CAST: variants seen among roughly 807,000 people sequenced by gnomAD.
The protein encoded by CAST is calpastatin, also known as MIR583 host.
A neutral mutation model predicts 119.6 loss-of-function variants in CAST; 76 were observed. The observed-to-expected ratio is 0.64, with a 90% CI of 0.53 to 0.77. The LOEUF (loss-of-function observed/expected upper bound fraction) is 0.77, where lower values mean the gene tolerates loss of function less well. CAST is among the 30% of genes least tolerant of loss of function. The pLI is 0.00. For synonymous variants in CAST, 319 were observed against 331.6 expected, an observed-to-expected ratio of 0.96 and a Z score of 0.41; for missense variants, 953 against 946.5, an observed-to-expected ratio of 1.01 and a Z score of -0.09.
the CAST span, chr5:96,429,281 T>C: frequency 6.3e-7 from 1 of 1,597,418 alleles, no homozygotes; most frequent in East Asian, 2.2e-5. Flanking sequence ...GGGTGGTTTT[T>C]ATGTTTGAAT....
At chr5:96,059,569 A>C in the CAST span, among the ~76,000 whole-genome samples, 1 of 152,086 alleles carries the variant, frequency 6.6e-6, no homozygotes, top group Non-Finnish European at 1.5e-5. Flanking sequence ...TTGATACCTT[A>C]AGACCTGTGG....
At chr5:96,635,504 C>T (rs892980271) in intron 1 of CAST, among the ~76,000 whole-genome samples, 4 of 152,144 alleles carry the variant, frequency 2.6e-5, no homozygotes, top group Non-Finnish European at 5.9e-5. Context: ...AAGAGATAAG[C>T]CATCCAATAC....
At chr5:95,963,877 A>G in the CAST span, among the ~76,000 whole-genome samples, 3 of 152,302 alleles carry the variant, frequency 2.0e-5, no homozygotes, top group Admixed American at 1.3e-4. Flanking sequence ...CCCCACCCAC[A>G]TGATATCCTA....
chr5:96,169,146 C>T, the CAST span, among the ~76,000 whole-genome samples: 2 of 152,118 alleles, frequency 1.3e-5, no homozygotes, highest in South Asian at 4.1e-4. Flanking sequence ...TAGCCGGACA[C>T]GAGCAGCAGG....
intron 1 of CAST, among the ~76,000 whole-genome samples, chr5:96,577,858 G>A (rs1486641164): frequency 6.6e-6 from 1 of 152,070 alleles, no homozygotes; most frequent in African/African-American, 2.4e-5. Context: ...TTTTGGGATG[G>A]AATCTTCGTT....
chr5:96,457,925 T>G, the CAST span, among the ~76,000 whole-genome samples: 44 of 152,320 alleles, frequency 2.9e-4, no homozygotes, highest in African/African-American at 1.0e-3. Flanking sequence ...ATTTCATTCT[T>G]TTTACATTCC....
intron 3 of CAST, among the ~76,000 whole-genome samples, chr5:96,702,446 A>G (rs1046505536): frequency 6.6e-6 from 1 of 152,222 alleles, no homozygotes; most frequent in African/African-American, 2.4e-5. Context: ...TTTTAACTGC[A>G]TTTGCAAATC....
chr5:96,169,147 G>A, the CAST span, among the ~76,000 whole-genome samples: 4 of 152,186 alleles, frequency 2.6e-5, no homozygotes, highest in African/African-American at 7.2e-5. Context: ...AGCCGGACAC[G>A]AGCAGCAGGG....
intron 29 of CAST, chr5:96,769,004 C>T (rs1273960672): frequency 1.3e-5 from 2 of 152,184 alleles, no homozygotes; most frequent in African/African-American, 2.4e-5. Context: ...GTGCTCAAAA[C>T]GTGATTAAAA....
chr5:96,671,191 A>G lies in CAST; in HGVS notation c.76-4348A>G, dbSNP rs565323212. On this transcript the variant is annotated intron_variant, in intron 1 of 31. Transcript: ENST00000675179. Reference sequence around the variant, plus strand: ...AGCTTCTGGAGCACATACCACCTTCATCTTAGCCCCCATCTAGTCTCCTGT... The same window carrying G: ...AGCTTCTGGAGCACATACCACCTTCGTCTTAGCCCCCATCTAGTCTCCTGT... Among the ~76,000 whole-genome samples, 630 of 152,026 alleles carry G rather than the reference A, an allele frequency of 4.1e-3. 3 individuals carry two copies. The highest frequency in any genetic ancestry group is 6.8e-3 in the Middle Eastern group (2 of 292).
intron 1 of CAST, among the ~76,000 whole-genome samples, chr5:96,641,596 C>T (rs1271460080): frequency 6.6e-6 from 1 of 152,182 alleles, no homozygotes; most frequent in Non-Finnish European, 1.5e-5. Context: ...CTCACAGCCT[C>T]ATCTACAGCC....
Position 96,757,573 on chromosome 5 carries a change from G to C in CAST, c.1762-10G>C. The C allele has an allele frequency of 6.2e-7, 1 of 1,613,430 alleles. No homozygotes were observed. On this transcript the variant is annotated splice_polypyrimidine_tract_variant and intron_variant, in intron 23 of 31. Transcript: ENST00000675179. Reference sequence around the variant, plus strand: ...ATGGTGTTTGTTGATACATTTCCTGGTTCTTGCAGCCCATGAGTGAAGACT... The same window carrying C: ...ATGGTGTTTGTTGATACATTTCCTGCTTCTTGCAGCCCATGAGTGAAGACT...
intron 1 of CAST, among the ~76,000 whole-genome samples, chr5:96,623,432 C>G (rs1747660328): frequency 6.6e-6 from 1 of 152,174 alleles, no homozygotes; most frequent in African/African-American, 2.4e-5. Flanking sequence ...TGAGCCCGGA[C>G]ACTCTACAGA....
chr5:96,607,720 T>C (rs573083751), intron 1 of CAST, among the ~76,000 whole-genome samples: 172 of 151,726 alleles, frequency 1.1e-3, no homozygotes, highest in African/African-American at 4.0e-3. Context: ...TCAGTTGGTC[T>C]GGCCACGATG....
the CAST span, among the ~76,000 whole-genome samples, chr5:96,293,412 G>T: frequency 2.0e-5 from 3 of 152,014 alleles, no homozygotes; most frequent in Non-Finnish European, 4.4e-5. Flanking sequence ...CGAGTAGCTG[G>T]GATTACAGGC....
In CAST at chr5:96,767,995, CA is replaced by C; in HGVS notation, c.2267del (p.Lys756ArgfsTer49). On this transcript the variant is annotated frameshift_variant, in exon 29 of 32. Coordinates refer to ENST00000675179, the MANE Select transcript of CAST (RefSeq NM_001750.7). LOFTEE classifies it high-confidence loss of function. ...PSTTETSQNT[A>X]KDKCKKAASS... ...ACTACAGAAACCTCACAGAACACAG[CA>C]AAGGTACTGTGCTTTTTCACATTTC... 3 of 1,599,664 alleles carry C rather than the reference CA, an allele frequency of 1.9e-6. No homozygotes were observed. The highest frequency in any genetic ancestry group is 2.6e-6 in the Non-Finnish European group (3 of 1,166,992).
chr5:96,412,579 A>G, the CAST span: 1 of 1,264,734 alleles, frequency 7.9e-7, no homozygotes, highest in Non-Finnish European at 1.1e-6. Context: ...TTGTATTTTT[A>G]AAGGATTTTA....
rs577833064 is a variant in CAST at position 96,607,125 on chromosome 5, A to G, written c.61-68414A>G. Among the ~76,000 whole-genome samples the G allele has an allele frequency of 3.4e-4, 52 of 152,228 alleles. No individual in the cohort carries two copies. The South Asian group carries it at 3.7e-3, about 11-fold the overall frequency. On this transcript the variant is annotated intron_variant, in intron 1 of 11. Coordinates refer to the CAST transcript ENST00000505143. ...ATCACAGGGAAAACCCATCTCTACT[A>G]AAAATGCAAAAAATTAGCCGGGCGT...
chr5:96,631,824 G>C (rs879855378), intron 1 of CAST, among the ~76,000 whole-genome samples: 1 of 151,986 alleles, frequency 6.6e-6, no homozygotes, highest in Non-Finnish European at 1.5e-5. Context: ...GAGCCACTGC[G>C]CCCGACTGCT....
Sources: gnomAD v4.1 joint callset for allele counts (sites outside exome capture counted in the v4.1 genomes callset) on GRCh38, gnomAD v4.1.1 for gene constraint, MANE v1.5 for transcripts, NCBI Gene and HGNC (gene_info 2026-07-23, HGNC 2026-07-21) for gene names.